CNTD1: variants seen among roughly 807,000 people sequenced by gnomAD.
CNTD1 encodes cyclin N-terminal domain containing 1.
A neutral mutation model predicts 36.3 loss-of-function variants in CNTD1; 17 were observed. The ratio of observed to expected loss-of-function variants is 0.47; its 90% CI spans 0.32 to 0.70. The LOEUF (loss-of-function observed/expected upper bound fraction) is 0.70, where lower values mean the gene tolerates loss of function less well. Among genes scored for constraint, CNTD1 ranks in the 30% least tolerant of loss-of-function variants. The pLI is 0.03. For synonymous variants in CNTD1, 128 were observed against 153.3 expected, an observed-to-expected ratio of 0.83 and a Z score of 1.22; for missense variants, 338 against 386.1, an observed-to-expected ratio of 0.88 and a Z score of 1.04.
At chr17:42,799,748 G>A (rs2054741535) in intron 1 of CNTD1, among the ~76,000 whole-genome samples, 1 of 63,074 alleles carries the variant, frequency 1.6e-5, no homozygotes, top group African/African-American at 8.2e-5. Flanking sequence ...ATGAAACTCC[G>A]TCTCAAAAAA....
intron 1 of CNTD1, among the ~76,000 whole-genome samples, chr17:42,802,808 G>T (rs750697197): frequency 1.5e-4 from 23 of 152,168 alleles, no homozygotes; most frequent in Non-Finnish European, 2.5e-4. Context: ...TCTTTGTTGA[G>T]AACTGACATT....
intron 2 of CNTD1, among the ~76,000 whole-genome samples, chr17:42,803,998 G>T (rs922116092): frequency 6.6e-6 from 1 of 150,688 alleles, no homozygotes; most frequent in Non-Finnish European, 1.5e-5. Context: ...TCCACACTTC[G>T]CACTTGGCTA....
chr17:42,803,053 C>G (rs1404915019), intron 1 of CNTD1, among the ~76,000 whole-genome samples: 1 of 152,156 alleles, frequency 6.6e-6, no homozygotes, highest in Non-Finnish European at 1.5e-5. Context: ...GCTCAGCCAC[C>G]ACAGATTTAC....
chr17:42,806,553 G>A, intron 4 of CNTD1, 121 bp from the exon 5 acceptor site: 1 of 981,766 alleles, frequency 1.0e-6, no homozygotes, highest in Non-Finnish European at 1.5e-6. Flanking sequence ...CAGGTTTCTT[G>A]TAGTAGAACA....
At chr17:42,805,952 G>T (rs1567662562) in intron 4 of CNTD1, 68 bp downstream of exon 4, 2 of 1,431,020 alleles carry the variant, frequency 1.4e-6, no homozygotes, top group South Asian at 1.3e-5. Context: ...TGTGCATGGG[G>T]GGGCATGGCT....
chr17:42,800,487 T>C (rs1333915532), intron 1 of CNTD1, among the ~76,000 whole-genome samples: 1 of 152,130 alleles, frequency 6.6e-6, no homozygotes, highest in East Asian at 1.9e-4. Context: ...GAAAGGTAGT[T>C]TGGAGACATT....
Position 42,803,710 on chromosome 17 carries a change from T to G in CNTD1, c.245+15T>G. On this transcript the variant is annotated intron_variant, in intron 2 of 6. Transcript: ENST00000588408. The stretch of plus-strand genomic sequence containing the variant: ...ATCCTAGAAAGGTAAAGCCCTGGCA[T>G]AATGCCTTTTGAACGGCACCTCTCA... 6.2e-7 allele frequency: 1 copy of G among 1,606,008 alleles called. No individual in the cohort carries two copies. Among genetic ancestry groups the G allele is most frequent in the Non-Finnish European group, 8.5e-7 (1 of 1,173,292 alleles).
In CNTD1 at chr17:42,801,510, A is replaced by AT. The variant is rs1555546481; in HGVS notation, c.170-2110_170-2109insT. Among the ~76,000 whole-genome samples the AT allele has an allele frequency of 6.8e-3, 367 of 54,092 alleles. 1 individual carries two copies. Among genetic ancestry groups the AT allele is most frequent in the Non-Finnish European group, 8.3e-3 (279 of 33,644 alleles). The allele number at this position is 54,092 out of a possible 152,430, so 35.5% of individuals were successfully genotyped here. ...GACCTTGTCTCAAAAAAAAAAAAAA[A>AT]ATATATATATATATATATATATATA... On this transcript the variant is annotated intron_variant, in intron 1 of 6. Transcript: ENST00000588408.
At chr17:42,807,742 A>G in intron 5 of CNTD1, 26 bp from the exon 6 acceptor site, 1 of 1,519,508 alleles carries the variant, frequency 6.6e-7, no homozygotes. Context: ...TCTAGCTTTA[A>G]AATTAATGTG....
rs1198487658 is a variant in CNTD1, at chr17:42,810,548, C to T, written c.*1013C>T. ...GAGTCCATGGGGTTAAGAATCAAAA[C>T]TGACCAGGGCTGGCAACTATAGATG... On this transcript the variant is annotated 3_prime_UTR_variant, in exon 7 of 7. Coordinates refer to ENST00000588408, the MANE Select transcript of CNTD1 (RefSeq NM_173478.3). 2 of 406,422 alleles carry T rather than the reference C, an allele frequency of 4.9e-6. No individual in the cohort carries two copies. Among genetic ancestry groups the T allele is most frequent in the Non-Finnish European group, 8.4e-6 (2 of 237,746 alleles). The allele number at this position is 406,422 out of a possible 1,614,324, so 25.2% of individuals were successfully genotyped here. A position where few individuals can be genotyped will look rare whatever the true frequency, so the allele number is the denominator to read the frequency against.
At position 42,804,400 on chromosome 17, in the gene CNTD1, A is replaced by T. The variant is rs1246506153; in HGVS notation, c.417+4A>T. On this transcript the variant is annotated splice_donor_region_variant and intron_variant, in intron 3 of 6. Transcript: ENST00000588408. ...CAAACTTTCCTTCCGAAACAAAGTA[A>T]GGAGCTGGGGTTGCTCATGGGCACC... The T allele has an allele frequency of 2.5e-6, 4 of 1,612,642 alleles. No individual in the cohort carries two copies. Among genetic ancestry groups the T allele is most frequent in the East Asian group, 4.5e-5 (2 of 44,798 alleles).
intron 1 of CNTD1, among the ~76,000 whole-genome samples, chr17:42,801,549 T>TATATAAA (rs1567660361): frequency 2.2e-5 from 1 of 45,442 alleles, no homozygotes; most frequent in Non-Finnish European, 4.1e-5. Context: ...ATATATATAA[T>TATATAAA]ATATGTGTGT....
chr17:42,801,738 T>C (rs964512026), intron 1 of CNTD1, among the ~76,000 whole-genome samples: 5 of 151,648 alleles, frequency 3.3e-5, no homozygotes, highest in Non-Finnish European at 7.4e-5. Flanking sequence ...TTGTTGAAAC[T>C]GTGGCAGAGG....
At chr17:42,808,553 T>TAAAA (rs775660371) in intron 6 of CNTD1, among the ~76,000 whole-genome samples, 5 of 99,918 alleles carry the variant, frequency 5.0e-5, no homozygotes, top group Non-Finnish European at 6.1e-5. Flanking sequence ...CCCATCTCAT[T>TAAAA]AAAAAAAAAA....
rs1448130065 is a variant in CNTD1, at chr17:42,798,958, A to G, written c.-110A>G. 1.7e-5 allele frequency: 25 copies of G among 1,490,248 alleles called. No homozygotes were observed. Among genetic ancestry groups the G allele is most frequent in the Non-Finnish European group, 2.1e-5 (23 of 1,120,684 alleles). 92.3% of individuals were successfully genotyped at this position (1,490,248 alleles called of 1,614,324 possible). A position where few individuals can be genotyped will look rare whatever the true frequency, so the allele number is the denominator to read the frequency against. On this transcript the variant is annotated 5_prime_UTR_variant, in exon 1 of 7. Coordinates refer to ENST00000588408, the MANE Select transcript of CNTD1 (RefSeq NM_173478.3). ...TCAGACTTGAGGCGACGACACACTCATTGGAAGGGGACGAGGAATCCAGGG... is the reference window on the plus strand; with the variant it reads ...TCAGACTTGAGGCGACGACACACTCGTTGGAAGGGGACGAGGAATCCAGGG...
At chr17:42,802,397 A>G (rs2144117472) in intron 1 of CNTD1, among the ~76,000 whole-genome samples, 1 of 152,326 alleles carries the variant, frequency 6.6e-6, no homozygotes, top group Admixed American at 6.5e-5. Context: ...GGCAAATTAA[A>G]ATGGAAAACA....
rs1156977632 is a variant in CNTD1 at position 42,809,638 on chromosome 17, G to A, written c.*103G>A. 5 of 1,075,054 alleles carry A rather than the reference G, an allele frequency of 4.7e-6. No homozygotes were observed. The highest frequency in any genetic ancestry group is 6.7e-6 in the Non-Finnish European group (5 of 745,096). The allele number at this position is 1,075,054 out of a possible 1,614,324, so 66.6% of individuals were successfully genotyped here. ...GGTACAAAAATTCCAAGTCTCTTTTGAACTGTATTTTGTATGCCAATTTCA... is the reference window on the plus strand; with the variant it reads ...GGTACAAAAATTCCAAGTCTCTTTTAAACTGTATTTTGTATGCCAATTTCA... On this transcript the variant is annotated 3_prime_UTR_variant, in exon 7 of 7. Coordinates refer to ENST00000588408, the MANE Select transcript of CNTD1 (RefSeq NM_173478.3).
At position 42,798,870 on chromosome 17, in the gene CNTD1, G is replaced by T. The variant is rs2054719922; in HGVS notation, c.-198G>T. The T allele has an allele frequency of 6.9e-7, 1 of 1,440,686 alleles. No individual in the cohort carries two copies. Among genetic ancestry groups the T allele is most frequent in the Non-Finnish European group, 9.1e-7 (1 of 1,102,698 alleles). 89.2% of individuals were successfully genotyped at this position (1,440,686 alleles called of 1,614,324 possible). On this transcript the variant is annotated 5_prime_UTR_variant, in exon 1 of 7. Transcript: ENST00000588408. ...TGCTTTCTGATTGGCTGAGGAGTCC[G>T]TGGCCGTTGGGGCGGGAAAAAGCTG...
At chr17:42,801,452 C>T (rs1272654500) in intron 1 of CNTD1, among the ~76,000 whole-genome samples, 9 of 138,636 alleles carry the variant, frequency 6.5e-5, no homozygotes, top group African/African-American at 2.1e-4. Context: ...GCCAAGATCA[C>T]GCCATTGCAT....
Sources: allele counts gnomAD v4.1 joint callset (sites outside exome capture counted in the v4.1 genomes callset), GRCh38; gene constraint gnomAD v4.1.1; transcripts MANE v1.5; gene names NCBI Gene and HGNC (gene_info 2026-07-23, HGNC 2026-07-21).